MKLN1: variants seen among roughly 807,000 people sequenced by gnomAD.
MKLN1 encodes the protein muskelin.
In MKLN1, 18 loss-of-function variants were observed where a neutral mutation model predicts 99.0. The ratio of observed to expected loss-of-function variants is 0.18; its 90% CI spans 0.13 to 0.27. The LOEUF is 0.27. MKLN1 is among the 10% of genes least tolerant of loss of function. The probability of loss-of-function intolerance (pLI) is 1.00; values close to 1 mark genes in which losing one functional copy is unlikely to be tolerated. For missense variants in MKLN1, 621 were observed against 875.9 expected (o/e 0.71, Z 3.67); for synonymous variants, 288 against 293.2 (o/e 0.98, Z 0.18).
intron 1 of MKLN1, among the ~76,000 whole-genome samples, chr7:131,134,821 A>AT (rs1260921440): frequency 2.0e-5 from 3 of 152,112 alleles, no homozygotes; most frequent in African/African-American, 4.8e-5. Flanking sequence ...AAAGTTTTTA[A>AT]TTTTTTAAAA....
At chr7:131,229,482 C>G (rs1032077040) in intron 3 of MKLN1, among the ~76,000 whole-genome samples, 2 of 152,108 alleles carry the variant, frequency 1.3e-5, no homozygotes, top group African/African-American at 2.4e-5. Flanking sequence ...GTAGAGGAAG[C>G]CTCCTATATC....
At position 131,467,464 on chromosome 7, in the gene MKLN1, G is replaced by A. The variant is rs112455109; in HGVS notation, c.1928+1049G>A. Among the ~76,000 whole-genome samples, 472 of 152,310 alleles carry A rather than the reference G, an allele frequency of 3.1e-3. 1 individual carries two copies. The highest frequency in any genetic ancestry group is 0.011 in the African/African-American group (450 of 41,574). On this transcript the variant is annotated intron_variant, in intron 15 of 17. Transcript: ENST00000352689. ...TTAAATGAGAATATCAGGATAGACT[G>A]CACAGTGAAGATGGCATTTGAATAG... is the stretch of plus-strand genomic sequence containing the variant.
intron 3 of MKLN1, among the ~76,000 whole-genome samples, chr7:131,264,054 T>G (rs1478715849): frequency 1.3e-5 from 2 of 152,144 alleles, no homozygotes; most frequent in Non-Finnish European, 2.9e-5. Flanking sequence ...GAGTGTTCCA[T>G]CAGGGCAAAA....
chr7:131,202,201 C>T (rs1408318354), intron 2 of MKLN1, among the ~76,000 whole-genome samples: 2 of 114,384 alleles, frequency 1.7e-5, no homozygotes, highest in African/African-American at 6.8e-5. Context: ...TGCTCTGTCA[C>T]CAGGCTGGAG....
intron 12 of MKLN1, among the ~76,000 whole-genome samples, chr7:131,448,089 G>T (rs538967964): frequency 6.6e-6 from 1 of 152,252 alleles, no homozygotes; most frequent in African/African-American, 2.4e-5. Context: ...TTAGCTGGGC[G>T]TGGTGGCGGG....
chr7:131,420,455 C>G (rs1481340707), intron 8 of MKLN1, among the ~76,000 whole-genome samples: 2 of 152,104 alleles, frequency 1.3e-5, no homozygotes. Flanking sequence ...TGTAACCATT[C>G]TCTAAGATGG....
chr7:131,368,932 G>A (rs909444805), intron 1 of MKLN1, among the ~76,000 whole-genome samples: 1 of 151,338 alleles, frequency 6.6e-6, no homozygotes, highest in Non-Finnish European at 1.5e-5. Flanking sequence ...CCTCATTTTT[G>A]GCTACCATTT....
intron 1 of MKLN1, among the ~76,000 whole-genome samples, chr7:131,342,028 T>A (rs1322841516): frequency 6.6e-6 from 1 of 152,254 alleles, no homozygotes; most frequent in Non-Finnish European, 1.5e-5. Context: ...AATGCTGCTA[T>A]AATAAACATT....
chr7:131,243,973 G>A (rs748351035), intron 3 of MKLN1, among the ~76,000 whole-genome samples: 17 of 152,054 alleles, frequency 1.1e-4, no homozygotes, highest in Admixed American at 2.6e-4. Flanking sequence ...GAGCTGCACC[G>A]CTGTACTCCA....
intron 1 of MKLN1, among the ~76,000 whole-genome samples, chr7:131,132,470 G>T (rs988680797): frequency 6.6e-6 from 1 of 152,178 alleles, no homozygotes; most frequent in Admixed American, 6.5e-5. Context: ...ATAACGACTG[G>T]ATTATTTCAC....
At chr7:131,164,023 C>T (rs1796089772) in intron 2 of MKLN1, among the ~76,000 whole-genome samples, 1 of 152,130 alleles carries the variant, frequency 6.6e-6, no homozygotes, top group Non-Finnish European at 1.5e-5. Flanking sequence ...GGGCCTCGTT[C>T]CCAAATGTTT....
rs534540937 is a variant in MKLN1, at chr7:131,263,734, T to A, written c.-179+60760T>A. On this transcript the variant is annotated intron_variant, in intron 3 of 7. Transcript: ENST00000416992. Reference sequence around the variant, plus strand: ...ACAGGTGTGTGCCACCATGCCCAGCTAATTTTTGTATTTTTAGTAGAGACA... The same window carrying A: ...ACAGGTGTGTGCCACCATGCCCAGCAAATTTTTGTATTTTTAGTAGAGACA... Among the ~76,000 whole-genome samples, 89 of 151,904 alleles carry A rather than the reference T, an allele frequency of 5.9e-4. No homozygotes were observed. In the South Asian group the frequency reaches 0.018, roughly 31 times the overall value.
chr7:131,476,342 G>A (rs1338054907), intron 16 of MKLN1, among the ~76,000 whole-genome samples: 1 of 152,106 alleles, frequency 6.6e-6, no homozygotes, highest in Non-Finnish European at 1.5e-5. Context: ...GATTGGATAG[G>A]AGAAAGTAAA....
At chr7:131,461,912 A>G (rs1796526187) in intron 12 of MKLN1, among the ~76,000 whole-genome samples, 1 of 152,202 alleles carries the variant, frequency 6.6e-6, no homozygotes, top group Non-Finnish European at 1.5e-5. Flanking sequence ...ATTATTGGGT[A>G]ATGCAAAGTG....
At chr7:131,257,879 G>A (rs1797679540) in intron 3 of MKLN1, among the ~76,000 whole-genome samples, 1 of 152,130 alleles carries the variant, frequency 6.6e-6, no homozygotes, top group Non-Finnish European at 1.5e-5. Flanking sequence ...CAACACTTTG[G>A]GAGGCCAAGG....
At chr7:131,132,160 C>T (rs1052180635) in intron 1 of MKLN1, among the ~76,000 whole-genome samples, 1 of 152,154 alleles carries the variant, frequency 6.6e-6, no homozygotes, top group South Asian at 2.1e-4. Context: ...CATAGTATAT[C>T]AACATTTCAA....
chr7:131,352,777 A>G (rs1249468161), intron 1 of MKLN1, among the ~76,000 whole-genome samples: 1 of 152,196 alleles, frequency 6.6e-6, no homozygotes, highest in Non-Finnish European at 1.5e-5. Context: ...GGGTTATGTC[A>G]CCAACTTGAT....
chr7:131,463,313 A>G lies in MKLN1; in HGVS notation c.1622A>G (p.Glu541Gly). Reference sequence around the variant, plus strand: ...CTCAGCAAAGATAAGGAAAAGAGGGAAGAAAATGTTAGAAATTCATTCTGG... The same window carrying G: ...CTCAGCAAAGATAAGGAAAAGAGGGGAGAAAATGTTAGAAATTCATTCTGG... ...SGLSKDKEKR[E>G]ENVRNSFWIY... Residue 541 changes from glutamate (E) to glycine (G), a missense_variant, in exon 13 of 18, where the codon GAA (glutamate) becomes GGA (glycine). Glu to Gly is a moderately conservative substitution (Grantham distance 98, BLOSUM62 -2). This residue lies in a region of MKLN1 where 10 missense variants were observed against 45.5 expected (regional missense o/e 0.22). Transcript: ENST00000352689. 6.2e-7 allele frequency: 1 copy of G among 1,612,638 alleles called. No individual in the cohort carries two copies. The highest frequency in any genetic ancestry group is 1.1e-5 in the South Asian group (1 of 90,632).
chr7:131,268,481 G>A (rs117894623), intron 3 of MKLN1, among the ~76,000 whole-genome samples: 3,749 of 152,290 alleles, frequency 0.025, 58 homozygotes, highest in Non-Finnish European at 0.036. Flanking sequence ...GGTAGAGGTG[G>A]AGGTGTGTGG....
Sources: gnomAD v4.1 joint callset for allele counts (sites outside exome capture counted in the v4.1 genomes callset) on GRCh38, gnomAD v4.1.1 for gene constraint, gnomAD v4.1.1 regional missense constraint, MANE v1.5 for transcripts, NCBI Gene and HGNC (gene_info 2026-07-23, HGNC 2026-07-21) for gene names.